The following DENND6B variants were observed in gnomAD, a reference collection of about 807,000 sequenced individuals.
DENND6B encodes the protein DENN domain containing 6B, also known as protein DENND6B.
In DENND6B, 73 loss-of-function variants were observed where a neutral mutation model predicts 85.1. The observed-to-expected ratio is 0.86, with a 90% confidence interval of 0.71 to 1.04. The LOEUF (loss-of-function observed/expected upper bound fraction) is 1.04, where lower values mean the gene tolerates loss of function less well. Ranked by LOEUF, DENND6B falls within the 50% of genes least tolerant of loss-of-function variation. DENND6B has a pLI of 0.00. For synonymous variants in DENND6B, 357 were observed against 329.3 expected, an observed-to-expected ratio of 1.08 and a Z score of -0.91; for missense variants, 715 against 785.8, an observed-to-expected ratio of 0.91 and a Z score of 1.08.
At chr22:50,321,444 G>A (rs1053961486) in intron 1 of DENND6B, among the ~76,000 whole-genome samples, 12 of 151,650 alleles carry the variant, frequency 7.9e-5, no homozygotes, top group Non-Finnish European at 8.8e-5. Flanking sequence ...CACTGCAAAC[G>A]CCATCTCCTG....
At chr22:50,322,535 G>GA (rs1569208945) in intron 1 of DENND6B, among the ~76,000 whole-genome samples, 1 of 151,814 alleles carries the variant, frequency 6.6e-6, no homozygotes, top group Non-Finnish European at 1.5e-5. Context: ...TTTTCCATTA[G>GA]AAAAAAAATT....
Position 50,313,892 on chromosome 22 carries a change from A to G in DENND6B, c.1139-14T>C. 6.2e-7 allele frequency: 1 copy of G among 1,602,968 alleles called. No homozygotes were observed. Among genetic ancestry groups the G allele is most frequent in the Non-Finnish European group, 8.5e-7 (1 of 1,176,718 alleles). On this transcript the variant is annotated splice_polypyrimidine_tract_variant and intron_variant, in intron 13 of 19. Transcript: ENST00000413817. Reference sequence around the variant, plus strand: ...CGGTGTAGAGGCCTGGCGGGAGGGCACAGCTGGCGCCCCACCCTTCAAGGG... The same window carrying G: ...CGGTGTAGAGGCCTGGCGGGAGGGCGCAGCTGGCGCCCCACCCTTCAAGGG...
rs1039167257 is a variant in DENND6B at position 50,314,617 on chromosome 22, C to T, written c.965G>A (p.Arg322His). 6.4e-6 allele frequency: 10 copies of T among 1,563,100 alleles called. No homozygotes were observed. Among genetic ancestry groups the T allele is most frequent in the African/African-American group, 2.7e-5 (2 of 73,536 alleles). ...AGGCGGCACTTACGGGGCCTGCGTG[C>T]GTGTGGTGAACTCCTTGAACTCGCT... Reference protein sequence around the residue: ...HDSEFKEFTTRTQAPPNVVLG... With the variant: ...HDSEFKEFTTHTQAPPNVVLG... The change falls in exon 11 of 20, where the codon CGC (arginine) becomes CAC (histidine). Residue 322 changes from arginine (R) to histidine (H), a missense_variant. By Grantham distance (29) the Arg-to-His change is conservative. Coordinates refer to ENST00000413817, the MANE Select transcript of DENND6B (RefSeq NM_001001794.4).
chr22:50,313,356 C>T, intron 16 of DENND6B, 90 bp downstream of exon 16: 2 of 1,473,042 alleles, frequency 1.4e-6, no homozygotes, highest in Non-Finnish European at 1.8e-6. Context: ...CCTGCCCAGC[C>T]ACAGCCTCCT....
chr22:50,316,362 C>T lies in DENND6B; in HGVS notation c.559+8G>A. 1 of 1,570,424 alleles carries T rather than the reference C, an allele frequency of 6.4e-7. No homozygotes were observed. Among genetic ancestry groups the T allele is most frequent in the Non-Finnish European group, 8.6e-7 (1 of 1,159,342 alleles). On this transcript the variant is annotated splice_region_variant and intron_variant, in intron 6 of 19. Coordinates refer to ENST00000413817, the MANE Select transcript of DENND6B (RefSeq NM_001001794.4). The stretch of plus-strand genomic sequence containing the variant: ...AGACCACGATGGCCACGACTGATGG[C>T]CACTCACCTGCTTCCAGGCAGGGCG...
At chr22:50,315,903 C>T in intron 8 of DENND6B, 122 bp downstream of exon 8, 2 of 1,545,948 alleles carry the variant, frequency 1.3e-6, no homozygotes, top group African/African-American at 1.4e-5. Flanking sequence ...TGTGGCTTTG[C>T]CTGGGTTTGA....
intron 3 of DENND6B, 127 bp downstream of exon 3, chr22:50,318,720 G>A: frequency 2.9e-6 from 4 of 1,362,904 alleles, no homozygotes; most frequent in Non-Finnish European, 4.1e-6. Flanking sequence ...GCATGGGGCT[G>A]GTGCTGCTCA....
chr22:50,311,640 T>A lies in DENND6B; in HGVS notation c.*499A>T, dbSNP rs1290564529. On this transcript the variant is annotated 3_prime_UTR_variant, in exon 20 of 20. Transcript: ENST00000413817. ...GGGTGGTGAGCAGAGCTCTTCACAC[T>A]GCAAAGTGGTCTCTCCCTTTCTCAA... 1 of 169,910 alleles carries A rather than the reference T, an allele frequency of 5.9e-6. No homozygotes were observed. The highest frequency in any genetic ancestry group is 5.6e-5 in the Admixed American group (1 of 17,966). 10.5% of individuals were successfully genotyped at this position (169,910 alleles called of 1,614,324 possible).
At chr22:50,313,539 GC>G in intron 15 of DENND6B, 40 bp from the exon 16 acceptor site, 4 of 1,516,028 alleles carry the variant, frequency 2.6e-6, no homozygotes, top group South Asian at 1.2e-5. Flanking sequence ...GGGGACCCAT[GC>G]CCCCCAGCCC....
intron 11 of DENND6B, 37 bp downstream of exon 11, chr22:50,314,568 G>A (rs1383001280): frequency 1.3e-6 from 2 of 1,555,258 alleles, no homozygotes; most frequent in South Asian, 1.2e-5. Flanking sequence ...AGGCAGGGCG[G>A]AGCAAGGGCA....
rs1276821852 is a variant in DENND6B, at chr22:50,312,520, C to G, written c.1560+3G>C. On this transcript the variant is annotated splice_donor_region_variant and intron_variant, in intron 18 of 19. Coordinates refer to ENST00000413817, the MANE Select transcript of DENND6B (RefSeq NM_001001794.4). ...GCCCTCCCCAACCCCCAGCCTCTCTCACCGCCTCACAGATAGCCTCCAGGT... is the reference window on the plus strand; with the variant it reads ...GCCCTCCCCAACCCCCAGCCTCTCTGACCGCCTCACAGATAGCCTCCAGGT... 15 of 1,582,692 alleles carry G rather than the reference C, an allele frequency of 9.5e-6. No individual in the cohort carries two copies. The highest frequency in any genetic ancestry group is 1.3e-5 in the Non-Finnish European group (15 of 1,165,298).
At position 50,326,803 on chromosome 22, in the gene DENND6B, C is replaced by A. The variant is rs1280881138; in HGVS notation, c.177+9G>T. 1 of 1,391,002 alleles carries A rather than the reference C, an allele frequency of 7.2e-7. No homozygotes were observed. The allele number at this position is 1,391,002 out of a possible 1,614,324, so 86.2% of individuals were successfully genotyped here. A position where few individuals can be genotyped will look rare whatever the true frequency, so the allele number is the denominator to read the frequency against. ...CCACCCGCCCGCGCCCGCGCTCGCG[C>A]CCGCTCACCTCCAGCGCCTGGCCCA... On this transcript the variant is annotated intron_variant, in intron 1 of 19. Coordinates refer to ENST00000413817, the MANE Select transcript of DENND6B (RefSeq NM_001001794.4).
chr22:50,325,120 A>G (rs2042155987), intron 1 of DENND6B, among the ~76,000 whole-genome samples: 1 of 152,106 alleles, frequency 6.6e-6, no homozygotes, highest in Non-Finnish European at 1.5e-5. Context: ...AGACTCAGTG[A>G]TCTGCAGGTG....
At chr22:50,316,110 G>A (rs2041804820) in intron 7 of DENND6B, 23 bp from the exon 8 acceptor site, 1 of 1,612,696 alleles carries the variant, frequency 6.2e-7, no homozygotes, top group East Asian at 2.2e-5. Context: ...GGGAGCAGCT[G>A]CCAGAGGGAG....
intron 5 of DENND6B, chr22:50,317,067 G>T (rs1381376938): frequency 1.0e-4 from 23 of 223,318 alleles, no homozygotes; most frequent in Non-Finnish European, 1.8e-4. Flanking sequence ...AGGACAGGGT[G>T]GGGGGGGGCG....
At position 50,313,430 on chromosome 22, in the gene DENND6B, C is replaced by G. The variant is rs1339672267; in HGVS notation, c.1347+16G>C. ...CGCCCTCCATGGACCCCACAAAACC[C>G]CCACAGGACCCCCACCTTCCAGGGC... On this transcript the variant is annotated intron_variant, in intron 16 of 19. Coordinates refer to ENST00000413817, the MANE Select transcript of DENND6B (RefSeq NM_001001794.4). 5 of 1,536,462 alleles carry G rather than the reference C, an allele frequency of 3.3e-6. No homozygotes were observed. In the African/African-American group the frequency reaches 6.9e-5, roughly 21 times the overall value.
chr22:50,310,578 A>G lies in DENND6B; in HGVS notation c.*1561T>C, dbSNP rs533775218. 1 of 152,338 alleles carries G rather than the reference A, an allele frequency of 6.6e-6. No homozygotes were observed. Among genetic ancestry groups the G allele is most frequent in the African/African-American group, 2.4e-5 (1 of 41,566 alleles). 9.4% of individuals were successfully genotyped at this position (152,338 alleles called of 1,614,324 possible). A position where few individuals can be genotyped will look rare whatever the true frequency, so the allele number is the denominator to read the frequency against. On this transcript the variant is annotated 3_prime_UTR_variant, in exon 20 of 20. Transcript: ENST00000413817. ...CCTGGCTGGAGGTCTGAGAGCACCA[A>G]TGAGAACACAAACAGTACGTTGCGC...
At chr22:50,315,920 C>G in intron 8 of DENND6B, 105 bp downstream of exon 8, 1 of 1,577,650 alleles carries the variant, frequency 6.3e-7, no homozygotes, top group Non-Finnish European at 8.6e-7. Context: ...TTGACAACCC[C>G]GCAGGGTGAA....
At position 50,313,976 on chromosome 22, in the gene DENND6B, T is replaced by C. The variant is rs1224517909; in HGVS notation, c.1139-98A>G. ...AGCCAGGGTGGGGGTCTCATCTGCC[T>C]GCAGCCCCATGCCCTTGGCTGCACC... On this transcript the variant is annotated intron_variant, in intron 13 of 19. Transcript: ENST00000413817. 6.4e-6 allele frequency: 9 copies of C among 1,415,954 alleles called. No homozygotes were observed. The African/African-American group carries it at 1.2e-4, about 18-fold the overall frequency. 87.7% of individuals were successfully genotyped at this position (1,415,954 alleles called of 1,614,324 possible).
Sources: gnomAD v4.1 joint callset for allele counts (sites outside exome capture counted in the v4.1 genomes callset) on GRCh38, gnomAD v4.1.1 for gene constraint, MANE v1.5 for transcripts, NCBI Gene and HGNC (gene_info 2026-07-23, HGNC 2026-07-21) for gene names.